The following RAB44 variants were observed in gnomAD, a reference collection of about 807,000 sequenced individuals.
RAB44 encodes the protein RAB44, member RAS oncogene family.
A neutral mutation model predicts 93.3 loss-of-function variants in RAB44; 67 were observed. The observed-to-expected ratio is 0.72, with a 90% CI of 0.59 to 0.88. The LOEUF is 0.88. RAB44 is among the 40% of genes least tolerant of loss of function. RAB44 has a pLI of 0.00. For synonymous variants in RAB44, 427 were observed against 520.3 expected (o/e 0.82, Z 2.44); for missense variants, 1,064 against 1,261.7 (o/e 0.84, Z 2.37).
chr6:36,704,119 A>G (rs1333732207), intron 1 of RAB44, 105 bp from the exon 2 acceptor site: 1 of 1,049,978 alleles, frequency 9.5e-7, no homozygotes, highest in Non-Finnish European at 1.4e-6. Flanking sequence ...TTTGGCAGCC[A>G]CAGTGGATTT....
intron 10 of RAB44, 33 bp from the exon 11 acceptor site, chr6:36,727,544 C>A: frequency 6.8e-7 from 1 of 1,479,078 alleles, no homozygotes; most frequent in Non-Finnish European, 9.2e-7. Flanking sequence ...GGTCTGGATG[C>A]CTGGTGTGGC....
intron 2 of RAB44, among the ~76,000 whole-genome samples, chr6:36,711,860 G>T (rs1404572362): frequency 6.7e-6 from 1 of 148,980 alleles, no homozygotes; most frequent in Admixed American, 6.7e-5. Flanking sequence ...CCAAGATTGC[G>T]CCACTGCATT....
At chr6:36,719,987 G>A (rs1236981338) in intron 7 of RAB44, among the ~76,000 whole-genome samples, 1 of 152,166 alleles carries the variant, frequency 6.6e-6, no homozygotes, top group Non-Finnish European at 1.5e-5. Flanking sequence ...CCCTCTCTGG[G>A]TCATGAGATT....
chr6:36,719,361 A>T (rs1330324046), intron 7 of RAB44, among the ~76,000 whole-genome samples: 3 of 152,180 alleles, frequency 2.0e-5, no homozygotes, highest in African/African-American at 7.2e-5. Context: ...CCCTCCTGCC[A>T]AGTGAAGAGA....
chr6:36,701,026 G>A (rs962083245), intron 1 of RAB44, among the ~76,000 whole-genome samples: 1 of 152,236 alleles, frequency 6.6e-6, no homozygotes, highest in Non-Finnish European at 1.5e-5. Context: ...GTGAAGGCCA[G>A]TTAGATTAGC....
At chr6:36,718,847 T>G (rs1488024426) in intron 7 of RAB44, among the ~76,000 whole-genome samples, 1 of 152,098 alleles carries the variant, frequency 6.6e-6, no homozygotes, top group Non-Finnish European at 1.5e-5. Flanking sequence ...ACTGCAGGTC[T>G]TATAGCCTGT....
rs878977501 is a variant in RAB44, at chr6:36,717,134, G to A, written c.495-139G>A. ...GGAGGTGGCGTTTTAGTTGCATCTTGTAGGGTGTCAATAGATTTGGCCCAG... is the reference window on the plus strand; with the variant it reads ...GGAGGTGGCGTTTTAGTTGCATCTTATAGGGTGTCAATAGATTTGGCCCAG... On this transcript the variant is annotated intron_variant, in intron 4 of 13. Transcript: ENST00000612677. The surrounding 1 kb of genome is among the most constrained non-coding windows in gnomAD (Gnocchi z 4.1). The A allele has an allele frequency of 6.5e-6, 5 of 766,060 alleles. No individual in the cohort carries two copies. The Admixed American group carries it at 2.2e-4, about 33-fold the overall frequency. 47.5% of individuals were successfully genotyped at this position (766,060 alleles called of 1,614,324 possible).
intron 2 of RAB44, among the ~76,000 whole-genome samples, chr6:36,704,894 C>A (rs1029869389): frequency 1.3e-5 from 2 of 151,790 alleles, no homozygotes; most frequent in Non-Finnish European, 2.9e-5. Flanking sequence ...CCGAGGCGGG[C>A]GGATCACTTG....
chr6:36,730,929 C>T (rs1254608305), intron 13 of RAB44, among the ~76,000 whole-genome samples, 180 bp downstream of exon 13: 1 of 152,052 alleles, frequency 6.6e-6, no homozygotes, highest in Non-Finnish European at 1.5e-5. Flanking sequence ...GAGCCCTGCA[C>T]TGAGAGTCTC....
At chr6:36,714,861 C>T (rs1470139880) in intron 3 of RAB44, among the ~76,000 whole-genome samples, 1 of 152,220 alleles carries the variant, frequency 6.6e-6, no homozygotes, top group East Asian at 1.9e-4. Flanking sequence ...CACTCAGTGC[C>T]ATTCACCTCG....
intron 7 of RAB44, among the ~76,000 whole-genome samples, chr6:36,719,971 A>G (rs11963372): frequency 0.046 from 6,930 of 152,302 alleles, 173 homozygotes; most frequent in African/African-American, 0.06. Context: ...TTGGCCAAGC[A>G]ATGCTCCCTC....
intron 1 of RAB44, among the ~76,000 whole-genome samples, chr6:36,702,512 C>T (rs939070717): frequency 6.6e-6 from 1 of 152,236 alleles, no homozygotes; most frequent in Non-Finnish European, 1.5e-5. Context: ...CTCCACCCAG[C>T]CTGTCTGTGG....
At position 36,717,516 on chromosome 6, in the gene RAB44, G is replaced by A; in HGVS notation, c.641+97G>A. 2.5e-6 allele frequency: 3 copies of A among 1,204,140 alleles called. No homozygotes were observed. The South Asian group carries it at 1.3e-4, about 52-fold the overall frequency. 74.6% of individuals were successfully genotyped at this position (1,204,140 alleles called of 1,614,324 possible). ...ATTTCCCCAGCTCCTCCTGCAGCTG[G>A]GCCTGTGAGCTGGATAGGGCAGAGC... On this transcript the variant is annotated intron_variant, in intron 5 of 13. Coordinates refer to ENST00000612677, the MANE Select transcript of RAB44 (RefSeq NM_001257357.2). This position sits in a 1 kb window ranked among gnomAD's most constrained non-coding sequence, Gnocchi z 4.1.
intron 9 of RAB44, 66 bp downstream of exon 9, chr6:36,722,799 A>T (rs1348366179): frequency 2.6e-6 from 4 of 1,531,620 alleles, no homozygotes; most frequent in Non-Finnish European, 3.5e-6. Context: ...AACGAGTGAG[A>T]GCGGGCCCAG....
At chr6:36,698,213 G>A (rs1254474718) in intron 1 of RAB44, among the ~76,000 whole-genome samples, 3 of 152,116 alleles carry the variant, frequency 2.0e-5, no homozygotes, top group Non-Finnish European at 4.4e-5. Flanking sequence ...AAGTAGACTG[G>A]AACAAGACAC....
chr6:36,725,897 A>G lies in RAB44; in HGVS notation c.2635A>G (p.Asn879Asp). Residue 879 changes from asparagine to aspartate, a missense_variant, in exon 10 of 14, where the codon AAC (asparagine) becomes GAC (aspartate). Asn to Asp is a conservative substitution (Grantham distance 23). Transcript: ENST00000612677. The stretch of plus-strand genomic sequence containing the variant: ...TCGGGTCAAAACCTTGCTGGTGGAC[A>G]ACAAGTGCTTTGTGCTGCAGCTCTG... ...DFRVKTLLVDNKCFVLQLWDT... is the reference protein window; with the variant it reads ...DFRVKTLLVDDKCFVLQLWDT... 2 of 1,550,702 alleles carry G rather than the reference A, an allele frequency of 1.3e-6. No individual in the cohort carries two copies. Among genetic ancestry groups the G allele is most frequent in the Non-Finnish European group, 1.7e-6 (2 of 1,146,996 alleles).
intron 9 of RAB44, among the ~76,000 whole-genome samples, chr6:36,725,176 AT>A (rs368450958): frequency 1.9e-4 from 28 of 147,098 alleles, no homozygotes; most frequent in East Asian, 3.9e-4. Context: ...TTAAAACAGC[AT>A]TTTTTTTTTT....
rs1763076985 is a variant in RAB44 at position 36,721,445 on chromosome 6, G to T, written c.1311G>T (p.Gly437=). Residue 437 remains glycine, a synonymous_variant, in exon 9 of 14, where the codon GGG becomes GGT. Coordinates refer to ENST00000612677, the MANE Select transcript of RAB44 (RefSeq NM_001257357.2). The part of the protein sequence containing the change: ...DPDGAPRTPP[G]VTFSAKDNKG... ...ATGGGGCTCCAAGGACCCCACCTGG[G>T]GTGACTTTCAGCGCCAAGGACAATA... The T allele has an allele frequency of 1.6e-6, 2 of 1,234,422 alleles. No homozygotes were observed. Among genetic ancestry groups the T allele is most frequent in the African/African-American group, 3.1e-5 (2 of 64,578 alleles). The allele number at this position is 1,234,422 out of a possible 1,614,324, so 76.5% of individuals were successfully genotyped here.
At chr6:36,724,139 T>TTTATTTA (rs1763173232) in intron 9 of RAB44, among the ~76,000 whole-genome samples, 1 of 146,390 alleles carries the variant, frequency 6.8e-6, no homozygotes, top group Non-Finnish European at 1.5e-5. Flanking sequence ...CATTATTTTA[T>TTTATTTA]TTTATTTATT....
Sources: allele counts gnomAD v4.1 joint callset (sites outside exome capture counted in the v4.1 genomes callset), GRCh38; gene constraint gnomAD v4.1.1; non-coding constraint Gnocchi (gnomAD v3.1); transcripts MANE v1.5; gene names NCBI Gene and HGNC (gene_info 2026-07-23, HGNC 2026-07-21).